Variants in QTMAN observed in about 807,000 individuals in gnomAD.
QTMAN encodes queuosine-tRNA mannosyltransferase.
the QTMAN span, among the ~76,000 whole-genome samples, chr2:144,130,315 A>G: frequency 1.3e-5 from 2 of 151,960 alleles, no homozygotes. Context: ...GCACACATAG[A>G]AAAGTACTTG....
At chr2:144,297,577 CTTTTT>C in the QTMAN span, among the ~76,000 whole-genome samples, 1 of 119,300 alleles carries the variant, frequency 8.4e-6, no homozygotes. Flanking sequence ...AGGATTCCGT[CTTTTT>C]TTTTTTTTTT....
At chr2:144,269,990 G>A in the QTMAN span, among the ~76,000 whole-genome samples, 2 of 152,118 alleles carry the variant, frequency 1.3e-5, no homozygotes, top group Non-Finnish European at 2.9e-5. Context: ...TTATAGTTTA[G>A]ATGGGTTATT....
the QTMAN span, among the ~76,000 whole-genome samples, chr2:143,971,887 A>G: frequency 1.3e-5 from 2 of 152,164 alleles, no homozygotes; most frequent in Non-Finnish European, 2.9e-5. Flanking sequence ...AAATGTGTTA[A>G]TTCACAATTC....
At chr2:144,023,710 G>C in the QTMAN span, among the ~76,000 whole-genome samples, 3 of 152,134 alleles carry the variant, frequency 2.0e-5, no homozygotes, top group Non-Finnish European at 4.4e-5. Context: ...TAATATTATT[G>C]TGGGTCATAG....
At chr2:143,960,981 C>CTA in the QTMAN span, among the ~76,000 whole-genome samples, 1 of 152,062 alleles carries the variant, frequency 6.6e-6, no homozygotes, top group Non-Finnish European at 1.5e-5. Flanking sequence ...CCTTCTAGTT[C>CTA]TATCTTCTTT....
chr2:144,128,157 T>C, the QTMAN span: 3 of 151,980 alleles, frequency 2.0e-5, no homozygotes, highest in African/African-American at 7.2e-5. Flanking sequence ...AGAGAAAGCA[T>C]TAAAAATTTT....
chr2:144,074,060 GAA>G, the QTMAN span, among the ~76,000 whole-genome samples: 2 of 152,230 alleles, frequency 1.3e-5, no homozygotes, highest in South Asian at 4.2e-4. Context: ...GCAATAAAGA[GAA>G]CATGCTCCTA....
chr2:144,139,918 A>AAAT, the QTMAN span, among the ~76,000 whole-genome samples: 1 of 152,064 alleles, frequency 6.6e-6, no homozygotes, highest in Non-Finnish European at 1.5e-5. Flanking sequence ...TCCCATGACC[A>AAAT]AATAATATTT....
the QTMAN span, among the ~76,000 whole-genome samples, chr2:144,192,121 CTT>C: frequency 7.0e-6 from 1 of 142,178 alleles, no homozygotes; most frequent in African/African-American, 2.6e-5. Flanking sequence ...TTTTTTTTTT[CTT>C]TTTGAGTGAG....
the QTMAN span, among the ~76,000 whole-genome samples, chr2:144,131,947 A>G: frequency 6.6e-6 from 1 of 151,902 alleles, no homozygotes; most frequent in Non-Finnish European, 1.5e-5. Flanking sequence ...AAGGATATCC[A>G]TTATGATTAT....
the QTMAN span, among the ~76,000 whole-genome samples, chr2:144,159,025 G>A: frequency 6.6e-6 from 1 of 151,950 alleles, no homozygotes; most frequent in African/African-American, 2.4e-5. Flanking sequence ...CATTAAAGTA[G>A]CAAAAGATTG....
At chr2:144,262,926 G>C in the QTMAN span, among the ~76,000 whole-genome samples, 71 of 92,656 alleles carry the variant, frequency 7.7e-4, no homozygotes, top group Non-Finnish European at 1.6e-4. Flanking sequence ...GAGGGGAGAG[G>C]GGAGAGGGAA....
At chr2:144,216,718 C>T in the QTMAN span, among the ~76,000 whole-genome samples, 10 of 151,882 alleles carry the variant, frequency 6.6e-5, no homozygotes. Context: ...GAAGTAACAC[C>T]GATTAAAGAG....
At chr2:144,107,831 T>C in the QTMAN span, among the ~76,000 whole-genome samples, 2 of 152,220 alleles carry the variant, frequency 1.3e-5, no homozygotes, top group African/African-American at 2.4e-5. Flanking sequence ...ATATCCCTGA[T>C]GAACATTGAT....
the QTMAN span, among the ~76,000 whole-genome samples, chr2:144,127,601 A>ATGCC: frequency 6.6e-6 from 1 of 152,068 alleles, no homozygotes; most frequent in African/African-American, 2.4e-5. Context: ...GTCAGTTTAG[A>ATGCC]TGCCTGTGAG....
chr2:144,217,749 GA>G, the QTMAN span, among the ~76,000 whole-genome samples: 7 of 149,290 alleles, frequency 4.7e-5, no homozygotes, highest in Non-Finnish European at 8.9e-5. Flanking sequence ...ACTGGAGGGG[GA>G]AAAAAAAACA....
the QTMAN span, among the ~76,000 whole-genome samples, chr2:144,218,935 A>T: frequency 6.6e-6 from 1 of 150,762 alleles, no homozygotes; most frequent in African/African-American, 2.5e-5. Context: ...AAAAAAAAAA[A>T]AAGCAAAATC....
At chr2:144,049,730 C>T in the QTMAN span, among the ~76,000 whole-genome samples, 67 of 152,050 alleles carry the variant, frequency 4.4e-4, no homozygotes, top group African/African-American at 1.4e-3. Flanking sequence ...AGAATTATTG[C>T]GGGGTTCCCA....
chr2:144,043,131 C>T, the QTMAN span, among the ~76,000 whole-genome samples: 1 of 152,070 alleles, frequency 6.6e-6, no homozygotes, highest in Non-Finnish European at 1.5e-5. Context: ...CATCTGAACA[C>T]CATAGTCATT....
Sources: gnomAD v4.1 joint callset for allele counts (sites outside exome capture counted in the v4.1 genomes callset) on GRCh38, gnomAD v4.1.1 for gene constraint, MANE v1.5 for transcripts, NCBI Gene and HGNC (gene_info 2026-07-23, HGNC 2026-07-21) for gene names.